The following PCDHA5 variants were observed in gnomAD, a reference collection of about 807,000 sequenced individuals.
PCDHA5 encodes the protein protocadherin alpha 5, also known as protocadherin alpha-5.
PCDHA5 carries 43 observed loss-of-function variants against 61.6 expected under a neutral mutation model. The observed-to-expected ratio is 0.70, with a 90% CI of 0.55 to 0.90. The LOEUF (loss-of-function observed/expected upper bound fraction) is 0.90. Ranked by LOEUF, PCDHA5 falls within the 40% of genes least tolerant of loss-of-function variation. PCDHA5 has a pLI of 0.00. For synonymous variants in PCDHA5, 627 were observed against 543.9 expected (o/e 1.15, Z -2.13); for missense variants, 1,298 against 1,222.7 (o/e 1.06, Z -0.92).
chr5:140,966,436 G>T, intron 1 of PCDHA5: 1 of 421,750 alleles, frequency 2.4e-6, no homozygotes. Flanking sequence ...CCCTCCTACC[G>T]CTCCCTTTCC....
intron 3 of PCDHA5, among the ~76,000 whole-genome samples, chr5:140,990,585 T>C (rs2097401437): frequency 6.6e-6 from 1 of 152,204 alleles, no homozygotes; most frequent in Non-Finnish European, 1.5e-5. Flanking sequence ...TCTTTTCCTA[T>C]AATCACCTGG....
At chr5:140,887,254 G>A (rs924715341) in intron 1 of PCDHA5, among the ~76,000 whole-genome samples, 4 of 151,790 alleles carry the variant, frequency 2.6e-5, no homozygotes, top group Admixed American at 2.0e-4. Context: ...CCGCCACCAC[G>A]CCCTGCTAAT....
intron 1 of PCDHA5, chr5:140,848,600 C>CTA (rs2040492511): frequency 6.3e-7 from 1 of 1,593,634 alleles, no homozygotes; most frequent in Non-Finnish European, 8.6e-7. Flanking sequence ...ACTACTCCGT[C>CTA]CCGGAGGAAG....
intron 1 of PCDHA5, among the ~76,000 whole-genome samples, chr5:140,969,881 G>C (rs1554232131): frequency 6.6e-6 from 1 of 152,196 alleles, no homozygotes; most frequent in African/African-American, 2.4e-5. Flanking sequence ...CTATGTGATA[G>C]GATCCTCTGG....
intron 1 of PCDHA5, among the ~76,000 whole-genome samples, chr5:140,885,206 A>G (rs1304868227): frequency 1.3e-5 from 2 of 152,038 alleles, no homozygotes; most frequent in Non-Finnish European, 2.9e-5. Context: ...CATATATCCC[A>G]TGAAAAATAT....
chr5:140,891,592 T>G (rs1162338197), intron 1 of PCDHA5, among the ~76,000 whole-genome samples: 1 of 152,216 alleles, frequency 6.6e-6, no homozygotes, highest in East Asian at 1.9e-4. Context: ...TATTACTCTA[T>G]CCCATCTATT....
chr5:140,848,619 G>C lies in PCDHA5; in HGVS notation c.2352+24492G>C, dbSNP rs2150415128. The C allele has an allele frequency of 3.5e-5, 55 of 1,593,396 alleles. 5 individuals are homozygous for C. Among genetic ancestry groups the C allele is most frequent in the Admixed American group, 1.5e-4 (9 of 59,226 alleles). ...CTCCGTCCCGGAGGAAGCCGAACACGGCACCTTCGTGGGCCGCATCGCGCA... is the reference window on the plus strand; with the variant it reads ...CTCCGTCCCGGAGGAAGCCGAACACCGCACCTTCGTGGGCCGCATCGCGCA... On this transcript the variant is annotated intron_variant, in intron 1 of 3. Coordinates refer to ENST00000529859, the MANE Select transcript of PCDHA5 (RefSeq NM_018908.3).
At position 140,858,707 on chromosome 5, in the gene PCDHA5, A is replaced by G. The variant is rs1234055961; in HGVS notation, c.2352+34580A>G. On this transcript the variant is annotated intron_variant, in intron 1 of 3. Transcript: ENST00000529859. The stretch of plus-strand genomic sequence containing the variant: ...TAATATTTTCCAATACAAATATGTG[A>G]TATAGGTTGCAGTTCTGACGATTTA... 2 of 547,800 alleles carry G rather than the reference A, an allele frequency of 3.7e-6. 1 individual carries two copies. Among genetic ancestry groups the G allele is most frequent in the Non-Finnish European group, 6.3e-6 (2 of 316,316 alleles). The allele number at this position is 547,800 out of a possible 1,614,324, so 33.9% of individuals were successfully genotyped here.
At chr5:140,876,848 A>C (rs1562720449) in intron 1 of PCDHA5, 8 of 1,614,064 alleles carry the variant, frequency 5.0e-6, no homozygotes, top group Non-Finnish European at 5.1e-6. Flanking sequence ...GCGCAGCCCG[A>C]GTACACAGTG....
In PCDHA5 at chr5:140,821,687, T is replaced by TA. The variant is rs1260014806; in HGVS notation, c.-83dup. 1.9e-5 allele frequency: 26 copies of TA among 1,378,320 alleles called. No homozygotes were observed. In the Admixed American group the frequency reaches 5.5e-4, roughly 29 times the overall value. 85.4% of individuals were successfully genotyped at this position (1,378,320 alleles called of 1,614,324 possible). A position where few individuals can be genotyped will look rare whatever the true frequency, so the allele number is the denominator to read the frequency against. ...CAAGAAGCTCAGAAAGGCGATAATA[T>TA]AAAAAATATATAGTTAATTGGGAAT... On this transcript the variant is annotated 5_prime_UTR_variant, in exon 1 of 4. Coordinates refer to ENST00000529859, the MANE Select transcript of PCDHA5 (RefSeq NM_018908.3).
intron 1 of PCDHA5, among the ~76,000 whole-genome samples, chr5:140,890,240 A>C (rs1554184230): frequency 6.6e-6 from 1 of 152,138 alleles, no homozygotes; most frequent in African/African-American, 2.4e-5. Flanking sequence ...AGCATTTACC[A>C]GTACACTACT....
chr5:140,923,055 A>G (rs1233279179), intron 1 of PCDHA5, among the ~76,000 whole-genome samples: 1 of 152,236 alleles, frequency 6.6e-6, no homozygotes, highest in African/African-American at 2.4e-5. Flanking sequence ...TTTAGAATAA[A>G]AGAGCTAGGT....
chr5:140,985,830 C>T (rs1446445717), intron 3 of PCDHA5, among the ~76,000 whole-genome samples: 2 of 149,758 alleles, frequency 1.3e-5, no homozygotes, highest in Non-Finnish European at 3.0e-5. Flanking sequence ...AGCTCTGCCT[C>T]CCGGGTTCAT....
At chr5:140,858,001 G>A in intron 1 of PCDHA5, 1 of 1,597,108 alleles carries the variant, frequency 6.3e-7, no homozygotes, top group East Asian at 2.2e-5. Flanking sequence ...TGCTGGTGAA[G>A]GACCATGGCG....
At position 140,848,466 on chromosome 5, in the gene PCDHA5, C is replaced by T. The variant is rs2150410896; in HGVS notation, c.2352+24339C>T. 2.6e-6 allele frequency: 4 copies of T among 1,545,340 alleles called. No homozygotes were observed. In the South Asian group the frequency reaches 3.6e-5, roughly 14 times the overall value. ...TTTCTTCTAATTTGGAGGCAATTTTCACTAATTAGAAGAAGACTGAGTATT... is the reference window on the plus strand; with the variant it reads ...TTTCTTCTAATTTGGAGGCAATTTTTACTAATTAGAAGAAGACTGAGTATT... On this transcript the variant is annotated intron_variant, in intron 1 of 3. Transcript: ENST00000529859.
At position 141,011,014 on chromosome 5, in the gene PCDHA5, C is replaced by T. The variant is rs2098419102; in HGVS notation, c.*1077C>T. On this transcript the variant is annotated 3_prime_UTR_variant, in exon 4 of 4. Coordinates refer to ENST00000529859, the MANE Select transcript of PCDHA5 (RefSeq NM_018908.3). ...CATCTGTATTATATCGGCCACCTGC[C>T]AATCACAGCTTTACTCTTTCAGGTC... 6.5e-6 allele frequency: 1 copy of T among 153,758 alleles called. No individual in the cohort carries two copies. Among genetic ancestry groups the T allele is most frequent in the Admixed American group, 6.5e-5 (1 of 15,286 alleles). 9.5% of individuals were successfully genotyped at this position (153,758 alleles called of 1,614,324 possible).
chr5:140,900,354 C>T (rs376691648), intron 1 of PCDHA5, among the ~76,000 whole-genome samples: 68 of 151,986 alleles, frequency 4.5e-4, no homozygotes, highest in African/African-American at 1.2e-3. Context: ...CTTGGCTCAC[C>T]GCAACCTCTG....
intron 1 of PCDHA5, among the ~76,000 whole-genome samples, chr5:140,910,110 G>A (rs964418352): frequency 6.6e-6 from 1 of 152,194 alleles, no homozygotes; most frequent in South Asian, 2.1e-4. Flanking sequence ...TCATTTAAGG[G>A]ATTCTAGGTC....
intron 1 of PCDHA5, chr5:140,843,861 G>T: frequency 1.1e-6 from 1 of 908,292 alleles, no homozygotes; most frequent in South Asian, 1.8e-5. Context: ...ATAATTAATT[G>T]AATTTTCTCA....
Sources: allele counts gnomAD v4.1 joint callset (sites outside exome capture counted in the v4.1 genomes callset), GRCh38; gene constraint gnomAD v4.1.1; transcripts MANE v1.5; gene names NCBI Gene and HGNC (gene_info 2026-07-23, HGNC 2026-07-21).